Variants in B3GLCT observed in about 807,000 individuals in gnomAD.
The protein encoded by B3GLCT is beta-1,3-glucosyltransferase.
In B3GLCT, 65 loss-of-function variants were observed where a neutral mutation model predicts 63.4. That is an observed-to-expected ratio of 1.03 (90% CI 0.84 to 1.26). The LOEUF (loss-of-function observed/expected upper bound fraction) is 1.26, where lower values mean the gene tolerates loss of function less well. B3GLCT is among the 50% of genes most tolerant of loss of function. The pLI is 0.00. For synonymous variants in B3GLCT, 233 were observed against 219.2 expected (o/e 1.06, Z -0.55); for missense variants, 577 against 604.8 (o/e 0.95, Z 0.48).
intron 3 of B3GLCT, 112 bp downstream of exon 3, chr13:31,223,103 T>G: frequency 1.3e-6 from 1 of 763,226 alleles, no homozygotes; most frequent in Non-Finnish European, 2.2e-6. Context: ...AATATTGTTG[T>G]TCAAATATTC....
intron 12 of B3GLCT, chr13:31,312,214 G>A (rs1304957733): frequency 6.6e-6 from 1 of 152,160 alleles, no homozygotes; most frequent in African/African-American, 2.4e-5. Flanking sequence ...GAATGTGCTT[G>A]GTTATGTCCT....
intron 13 of B3GLCT, among the ~76,000 whole-genome samples, chr13:31,321,413 A>G (rs865825311): frequency 3.9e-5 from 6 of 152,270 alleles, no homozygotes; most frequent in Admixed American, 6.5e-5. Context: ...TTCATGGACC[A>G]TGACTAGCAT....
In B3GLCT at chr13:31,242,137, C is replaced by T. The variant is rs144645929; in HGVS notation, c.271-4886C>T. Among the ~76,000 whole-genome samples the T allele has an allele frequency of 5.2e-4, 79 of 152,116 alleles. No homozygotes were observed. In the East Asian group the frequency reaches 0.015, roughly 28 times the overall value. ...TAAAATAGTGGAGTCAGTCCTATAC[C>T]TCAGTTCTGAGGGGATCCAAAGCCT... is the stretch of plus-strand genomic sequence containing the variant. On this transcript the variant is annotated intron_variant, in intron 4 of 14. Transcript: ENST00000343307.
chr13:31,269,801 G>A (rs1872502646), intron 8 of B3GLCT, among the ~76,000 whole-genome samples: 1 of 152,184 alleles, frequency 6.6e-6, no homozygotes, highest in African/African-American at 2.4e-5. Flanking sequence ...TTTCTGCCAT[G>A]TGAGGATACA....
chr13:31,260,079 G>C (rs1871951289), intron 6 of B3GLCT, among the ~76,000 whole-genome samples: 1 of 152,104 alleles, frequency 6.6e-6, no homozygotes, highest in Non-Finnish European at 1.5e-5. Context: ...TCAGCCTTTT[G>C]CCTGTCTCTT....
At chr13:31,299,909 GC>G in intron 12 of B3GLCT, among the ~76,000 whole-genome samples, 1 of 152,096 alleles carries the variant, frequency 6.6e-6, no homozygotes, top group Non-Finnish European at 1.5e-5. Context: ...AACTGTATGG[GC>G]AGGCAATTGG....
chr13:31,329,680 C>G lies in B3GLCT; in HGVS notation c.*12C>G. 6.2e-7 allele frequency: 1 copy of G among 1,613,980 alleles called. No homozygotes were observed. The highest frequency in any genetic ancestry group is 8.5e-7 in the Non-Finnish European group (1 of 1,179,928). The stretch of plus-strand genomic sequence containing the variant: ...GAGAGGAGTTATAAATCAGGGTGAC[C>G]TGTGCGCCTAGCCTGCGCAGGGAAT... On this transcript the variant is annotated 3_prime_UTR_variant, in exon 15 of 15. Coordinates refer to ENST00000343307, the MANE Select transcript of B3GLCT (RefSeq NM_194318.4).
chr13:31,235,100 G>C (rs1241960496), intron 4 of B3GLCT, among the ~76,000 whole-genome samples: 1 of 152,056 alleles, frequency 6.6e-6, no homozygotes. Flanking sequence ...GGGTGGCGTA[G>C]GGGTGCTGCA....
intron 12 of B3GLCT, among the ~76,000 whole-genome samples, chr13:31,314,816 C>G (rs1325318807): frequency 6.6e-6 from 1 of 152,168 alleles, no homozygotes; most frequent in Non-Finnish European, 1.5e-5. Context: ...ACCTAAATCT[C>G]AACTCGAATT....
intron 4 of B3GLCT, among the ~76,000 whole-genome samples, chr13:31,230,705 T>A (rs1404021446): frequency 1.3e-5 from 2 of 152,172 alleles, no homozygotes; most frequent in Admixed American, 1.3e-4. Flanking sequence ...AGCAGCTTGA[T>A]AAGTTAAAAA....
At chr13:31,320,976 TC>T (rs1233833386) in intron 13 of B3GLCT, among the ~76,000 whole-genome samples, 2 of 152,258 alleles carry the variant, frequency 1.3e-5, no homozygotes, top group Non-Finnish European at 1.5e-5. Context: ...TAATGTACTT[TC>T]ATAGCATATT....
chr13:31,273,747 G>A (rs1438299008), intron 8 of B3GLCT, among the ~76,000 whole-genome samples: 2 of 152,274 alleles, frequency 1.3e-5, no homozygotes, highest in African/African-American at 2.4e-5. Flanking sequence ...TTATACTGAC[G>A]AGATAATTTA....
chr13:31,330,585 T>G lies in B3GLCT; in HGVS notation c.*917T>G, dbSNP rs535373130. ...TGTTACTTAATGACTCTCTCCTGAC[T>G]CAGGAGAGAAACCCCTTGTGGAAGG... On this transcript the variant is annotated 3_prime_UTR_variant, in exon 15 of 15. Transcript: ENST00000343307. The G allele has an allele frequency of 6.8e-6, 1 of 147,996 alleles. No individual in the cohort carries two copies. Among genetic ancestry groups the G allele is most frequent in the South Asian group, 2.2e-4 (1 of 4,594 alleles). 9.2% of individuals were successfully genotyped at this position (147,996 alleles called of 1,614,324 possible).
intron 10 of B3GLCT, among the ~76,000 whole-genome samples, chr13:31,279,314 G>A (rs1383244274): frequency 6.6e-6 from 1 of 151,756 alleles, no homozygotes; most frequent in Non-Finnish European, 1.5e-5. Flanking sequence ...TCTTTTCCCT[G>A]TGCACTCTAT....
Position 31,286,784 on chromosome 13 carries a change from A to G in B3GLCT, c.1029A>G (p.Ala343=). 1 of 1,613,268 alleles carries G rather than the reference A, an allele frequency of 6.2e-7. No individual in the cohort carries two copies. The highest frequency in any genetic ancestry group is 1.1e-5 in the South Asian group (1 of 91,008). The change falls in exon 12 of 15, where the codon GCA becomes GCG. Residue 343 remains alanine, a synonymous_variant. Coordinates refer to ENST00000343307, the MANE Select transcript of B3GLCT (RefSeq NM_194318.4). ...RFLNRSQDKT[A]WLVIVDDDTL... Reference sequence around the variant, plus strand: ...TGAATCGTAGCCAGGACAAAACAGCATGGTTAGTCATTGTGGATGATGATA... The same window carrying G: ...TGAATCGTAGCCAGGACAAAACAGCGTGGTTAGTCATTGTGGATGATGATA...
rs149529965 is a variant in B3GLCT at position 31,205,136 on chromosome 13, A to G, written c.70+4982A>G. Among the ~76,000 whole-genome samples, 17 of 152,130 alleles carry G rather than the reference A, an allele frequency of 1.1e-4. No homozygotes were observed. In the East Asian group the frequency reaches 3.3e-3, roughly 29 times the overall value. On this transcript the variant is annotated intron_variant, in intron 1 of 14. Transcript: ENST00000343307. Reference sequence around the variant, plus strand: ...CAAAATGCATGTGAGATGGCCAGGTACCATGTTAGGTGAGCAGTTAGATAT... The same window carrying G: ...CAAAATGCATGTGAGATGGCCAGGTGCCATGTTAGGTGAGCAGTTAGATAT...
At chr13:31,235,897 G>A (rs1055731124) in intron 4 of B3GLCT, among the ~76,000 whole-genome samples, 2 of 152,052 alleles carry the variant, frequency 1.3e-5, no homozygotes, top group South Asian at 2.1e-4. Flanking sequence ...TGGATTTCTC[G>A]AAGAGTGGAG....
chr13:31,289,163 A>T (rs1168875956), intron 12 of B3GLCT, among the ~76,000 whole-genome samples: 1 of 152,038 alleles, frequency 6.6e-6, no homozygotes, highest in African/African-American at 2.4e-5. Context: ...TCAAAACTTG[A>T]CGACAGATCT....
At chr13:31,209,952 G>A (rs187808807) in intron 1 of B3GLCT, among the ~76,000 whole-genome samples, 20 of 152,318 alleles carry the variant, frequency 1.3e-4, no homozygotes, top group Admixed American at 5.9e-4. Flanking sequence ...TCTTTCCTGC[G>A]TGGGAATGGG....
Sources: gnomAD v4.1 joint callset for allele counts (sites outside exome capture counted in the v4.1 genomes callset) on GRCh38, gnomAD v4.1.1 for gene constraint, MANE v1.5 for transcripts, NCBI Gene and HGNC (gene_info 2026-07-23, HGNC 2026-07-21) for gene names.